GNAQ: variants seen among roughly 807,000 people sequenced by gnomAD.
The protein encoded by GNAQ is guanine nucleotide-binding protein G(q) subunit alpha.
In GNAQ, 8 loss-of-function variants were observed where a neutral mutation model predicts 43.9. That is an observed-to-expected ratio of 0.18 (90% CI 0.11 to 0.33). GNAQ has a LOEUF of 0.33. Among genes scored for constraint, GNAQ ranks in the 10% least tolerant of loss-of-function variants. The pLI, the probability that GNAQ is intolerant of heterozygous loss-of-function variation, is 1.00. For missense variants in GNAQ, 158 were observed against 450.8 expected, an observed-to-expected ratio of 0.35 and a Z score of 5.88; for synonymous variants, 155 against 170.7, an observed-to-expected ratio of 0.91 and a Z score of 0.71.
intron 3 of GNAQ, among the ~76,000 whole-genome samples, chr9:77,805,834 G>A (rs1450028498): frequency 6.6e-6 from 1 of 152,136 alleles, no homozygotes; most frequent in Non-Finnish European, 1.5e-5. Context: ...AGAAGGCTTC[G>A]AAATTATGCA....
chr9:78,025,250 C>T (rs922246134), intron 1 of GNAQ, among the ~76,000 whole-genome samples: 4 of 152,158 alleles, frequency 2.6e-5, no homozygotes, highest in African/African-American at 9.7e-5. Context: ...TTATTTTTTA[C>T]ATATCGGTAA....
At chr9:77,874,087 A>G (rs1430674152) in intron 2 of GNAQ, among the ~76,000 whole-genome samples, 1 of 149,054 alleles carries the variant, frequency 6.7e-6, no homozygotes, top group Non-Finnish European at 1.5e-5. Context: ...CTGGGCAACA[A>G]GAGCGAAACT....
chr9:77,774,142 T>C (rs918709044), intron 5 of GNAQ, among the ~76,000 whole-genome samples: 5 of 152,208 alleles, frequency 3.3e-5, no homozygotes, highest in East Asian at 1.9e-4. Flanking sequence ...CATATAGTTA[T>C]TTTAAGCTTT....
At chr9:77,871,402 A>C (rs1828036503) in intron 2 of GNAQ, among the ~76,000 whole-genome samples, 2 of 152,182 alleles carry the variant, frequency 1.3e-5, no homozygotes, top group Admixed American at 1.3e-4. Flanking sequence ...GACAGATTAA[A>C]TACAGAGCTG....
chr9:77,810,112 G>A (rs963653001), intron 3 of GNAQ, among the ~76,000 whole-genome samples: 3 of 151,878 alleles, frequency 2.0e-5, no homozygotes, highest in African/African-American at 7.3e-5. Context: ...TGTTCTTCAT[G>A]GTAAGTGATT....
intron 3 of GNAQ, 65 bp downstream of exon 3, chr9:77,815,551 A>C (rs1826998756): frequency 9.9e-7 from 1 of 1,013,504 alleles, no homozygotes. Context: ...AAGTTATGAT[A>C]ATCATAAAAC....
At position 77,716,650 on chromosome 9, in the gene GNAQ, C is replaced by G. The variant is rs573559296; in HGVS notation, c.*4673G>C. 1.3e-5 allele frequency: 3 copies of G among 232,740 alleles called. No individual in the cohort carries two copies. The highest frequency in any genetic ancestry group is 2.5e-5 in the Non-Finnish European group (3 of 117,872). The allele number at this position is 232,740 out of a possible 1,614,324, so 14.4% of individuals were successfully genotyped here. A position where few individuals can be genotyped will look rare whatever the true frequency, so the allele number is the denominator to read the frequency against. ...CCTGAACTTAAAAATGTTCTACCAA[C>G]GAATACCTTTCTGTTTTTTCTGTCT... On this transcript the variant is annotated 3_prime_UTR_variant, in exon 7 of 7. Transcript: ENST00000286548.
intron 5 of GNAQ, among the ~76,000 whole-genome samples, chr9:77,785,212 A>C (rs1826457320): frequency 6.6e-6 from 1 of 152,202 alleles, no homozygotes; most frequent in East Asian, 1.9e-4. Context: ...AAGACACAGA[A>C]GAGGAGAAGG....
At chr9:77,870,995 G>C (rs1265080227) in intron 2 of GNAQ, among the ~76,000 whole-genome samples, 2 of 152,090 alleles carry the variant, frequency 1.3e-5, no homozygotes, top group Non-Finnish European at 1.5e-5. Flanking sequence ...GAACTTTTTA[G>C]GGTTATAGAA....
chr9:77,991,063 T>A (rs1169166304), intron 1 of GNAQ, among the ~76,000 whole-genome samples: 1 of 152,238 alleles, frequency 6.6e-6, no homozygotes, highest in African/African-American at 2.4e-5. Flanking sequence ...TGCTTTCAAG[T>A]ATGCATGACA....
chr9:78,018,248 T>C (rs536147464), intron 1 of GNAQ, among the ~76,000 whole-genome samples: 1 of 152,098 alleles, frequency 6.6e-6, no homozygotes, highest in South Asian at 2.1e-4. Flanking sequence ...TTTTCAAATG[T>C]TAATATGAAG....
chr9:77,757,326 C>G (rs887715871), intron 5 of GNAQ, among the ~76,000 whole-genome samples: 3 of 152,150 alleles, frequency 2.0e-5, no homozygotes. Flanking sequence ...ACTCATTTAT[C>G]TCACTTTCAG....
chr9:77,763,739 T>C (rs1395625482), intron 5 of GNAQ, among the ~76,000 whole-genome samples: 1 of 152,208 alleles, frequency 6.6e-6, no homozygotes, highest in East Asian at 1.9e-4. Context: ...CTGGGATGAT[T>C]CTGTAAACAA....
chr9:77,929,559 G>A (rs1829117614), intron 1 of GNAQ, among the ~76,000 whole-genome samples: 2 of 151,926 alleles, frequency 1.3e-5, no homozygotes, highest in African/African-American at 4.8e-5. Flanking sequence ...GGCTGGGTGC[G>A]GTGGCTCATG....
chr9:77,757,153 C>T (rs1030002279), intron 5 of GNAQ, among the ~76,000 whole-genome samples: 5 of 152,162 alleles, frequency 3.3e-5, no homozygotes, highest in African/African-American at 1.2e-4. Context: ...TGAAATAGAA[C>T]TTTCGAGTTA....
At chr9:77,874,117 C>CA (rs1384066782) in intron 2 of GNAQ, among the ~76,000 whole-genome samples, 2 of 130,884 alleles carry the variant, frequency 1.5e-5, no homozygotes, top group Non-Finnish European at 3.2e-5. Flanking sequence ...AAAAAAAAAA[C>CA]AAAAAAACAA....
intron 2 of GNAQ, among the ~76,000 whole-genome samples, chr9:77,891,961 A>C (rs1828411348): frequency 6.6e-6 from 1 of 152,202 alleles, no homozygotes; most frequent in Non-Finnish European, 1.5e-5. Context: ...ATAAGCCTTT[A>C]AATACTAATT....
chr9:78,022,601 C>T (rs142396174), intron 1 of GNAQ, among the ~76,000 whole-genome samples: 2 of 152,286 alleles, frequency 1.3e-5, no homozygotes, highest in African/African-American at 4.8e-5. Flanking sequence ...CTTACCAATG[C>T]TCAAAAATAT....
chr9:77,982,950 T>TA (rs974562833), intron 1 of GNAQ, among the ~76,000 whole-genome samples: 1 of 151,852 alleles, frequency 6.6e-6, no homozygotes, highest in Non-Finnish European at 1.5e-5. Context: ...AGTATAATAA[T>TA]AAAAAAATAA....
Sources: gnomAD v4.1 joint callset for allele counts (sites outside exome capture counted in the v4.1 genomes callset) on GRCh38, gnomAD v4.1.1 for gene constraint, MANE v1.5 for transcripts, NCBI Gene and HGNC (gene_info 2026-07-23, HGNC 2026-07-21) for gene names.